The following TDRD6 variants were observed in gnomAD, a reference collection of about 807,000 sequenced individuals.
The protein encoded by TDRD6 is tudor domain-containing protein 6.
A neutral mutation model predicts 157.5 loss-of-function variants in TDRD6; 186 were observed. The observed-to-expected ratio is 1.18, with a 90% CI of 1.05 to 1.33. The LOEUF is 1.33. Ranked by LOEUF, TDRD6 falls within the 40% of genes most tolerant of loss-of-function variation. The pLI is 0.00. For synonymous variants in TDRD6, 1,075 were observed against 945.2 expected, an observed-to-expected ratio of 1.14 and a Z score of -2.52; for missense variants, 3,066 against 2,508.0, an observed-to-expected ratio of 1.22 and a Z score of -4.75.
intron 2 of TDRD6, among the ~76,000 whole-genome samples, chr6:46,696,577 G>GTATATATA (rs1203164399): frequency 1.1e-4 from 5 of 47,250 alleles, no homozygotes; most frequent in African/African-American, 3.5e-4. Context: ...GTGTGTGTGT[G>GTATATATA]TGTGTATATA....
At chr6:46,683,018 G>A (rs994283423), upstream of TDRD6, among the ~76,000 whole-genome samples, 3 of 151,784 alleles carry the variant, frequency 2.0e-5, no homozygotes, top group Non-Finnish European at 4.4e-5. Flanking sequence ...CAATTTTGAG[G>A]GAAAAGAACA....
chr6:46,692,069 T>G lies in TDRD6; in HGVS notation c.3941T>G (p.Ile1314Arg). The G allele has an allele frequency of 6.2e-7, 1 of 1,612,752 alleles. No individual in the cohort carries two copies. Among genetic ancestry groups the G allele is most frequent in the South Asian group, 1.1e-5 (1 of 90,866 alleles). The stretch of plus-strand genomic sequence containing the variant: ...AAAACAACTGTATATGTTTCTCATA[T>G]AAATGACCTTTCAGACTTTTATGTT... ...GFKTTVYVSH[I>R]NDLSDFYVQL... Residue 1314 changes from isoleucine (I) to arginine (R), a missense_variant, in exon 1 of 4, where the codon ATA (isoleucine) becomes AGA (arginine). Transcript: ENST00000316081.
chr6:46,692,673 T>C lies in TDRD6; in HGVS notation c.4545T>C (p.Asn1515=). The change falls in exon 1 of 4, where the codon AAT becomes AAC. Residue 1515 remains asparagine, a synonymous_variant. Transcript: ENST00000316081. ...CTTCAGTATTTCTTAACTGGTATAATCCAGAAAAAAAAATGATAAGAGCTT... is the reference window on the plus strand; with the variant it reads ...CTTCAGTATTTCTTAACTGGTATAACCCAGAAAAAAAAATGATAAGAGCTT... The part of the protein sequence containing the change: ...IDTSVFLNWY[N]PEKKMIRAYA... 6.2e-7 allele frequency: 1 copy of C among 1,613,094 alleles called. No individual in the cohort carries two copies. Among genetic ancestry groups the C allele is most frequent in the Non-Finnish European group, 8.5e-7 (1 of 1,179,750 alleles).
Position 46,691,332 on chromosome 6 carries a change from G to A in TDRD6, c.3204G>A (p.Gly1068=). 1 of 1,614,024 alleles carries A rather than the reference G, an allele frequency of 6.2e-7. No individual in the cohort carries two copies. The highest frequency in any genetic ancestry group is 1.1e-5 in the South Asian group (1 of 91,072). Residue 1068 remains glycine (G), a synonymous_variant, in exon 1 of 4, where the codon GGG becomes GGA. Coordinates refer to ENST00000316081, the MANE Select transcript of TDRD6 (RefSeq NM_001010870.3). ...EPKKVFFVDF[G]NIYVVTSDDL... The stretch of plus-strand genomic sequence containing the variant: ...AGAAAGTCTTCTTTGTTGATTTTGG[G>A]AATATTTATGTAGTAACAAGTGATG...
chr6:46,692,628 TA>T lies in TDRD6; in HGVS notation c.4502del (p.Asn1501ThrfsTer20), dbSNP rs745640679. 2.5e-6 allele frequency: 4 copies of T among 1,613,348 alleles called. No individual in the cohort carries two copies. In the South Asian group the frequency reaches 4.4e-5, roughly 18 times the overall value. On this transcript the variant is annotated frameshift_variant, in exon 1 of 4. Transcript: ENST00000316081. LOFTEE classifies it high-confidence loss of function. ...TTAAAAGTGCCAGTTCAAAGTCTGT[TA>T]ACAAATCAGACATTGACACTTCAGT... ...VIKSASSKSV[N>X]KSDIDTSVFL...
rs190343514 is a variant in TDRD6, at chr6:46,693,361, C to G, written c.5233C>G (p.Gln1745Glu). 10 of 1,609,574 alleles carry G rather than the reference C, an allele frequency of 6.2e-6. No individual in the cohort carries two copies. The highest frequency in any genetic ancestry group is 8.5e-6 in the Non-Finnish European group (10 of 1,178,954). ...TGTACAAAATAAAATATATATGGAACAACAGACAGATGAGCTTGCTGAAAT... is the reference window on the plus strand; with the variant it reads ...TGTACAAAATAAAATATATATGGAAGAACAGACAGATGAGCTTGCTGAAAT... Reference protein sequence around the residue: ...KAVQNKIYMEQQTDELAEITE... With the variant: ...KAVQNKIYMEEQTDELAEITE... The change falls in exon 1 of 4, where the codon CAA becomes GAA. Residue 1745 changes from glutamine to glutamate, a missense_variant. Physicochemically the swap from Gln to Glu is conservative, Grantham distance 29. Coordinates refer to ENST00000316081, the MANE Select transcript of TDRD6 (RefSeq NM_001010870.3).
upstream of TDRD6, among the ~76,000 whole-genome samples, chr6:46,684,857 T>C (rs920442465): frequency 6.6e-6 from 1 of 152,130 alleles, no homozygotes; most frequent in African/African-American, 2.4e-5. Flanking sequence ...TTTTCAGTCA[T>C]ATGGCAAGTA....
In TDRD6 at chr6:46,688,454, C is replaced by T. The variant is rs145739303; in HGVS notation, c.326C>T (p.Ala109Val). The part of the protein sequence containing the change: ...LDEGRTITAG[A>V]GSLAPGRREF... Reference sequence around the variant, plus strand: ...GAGGGCCGCACCATCACGGCCGGAGCAGGCTCGCTGGCGCCTGGGCGCAGA... The same window carrying T: ...GAGGGCCGCACCATCACGGCCGGAGTAGGCTCGCTGGCGCCTGGGCGCAGA... Residue 109 changes from alanine to valine, a missense_variant, in exon 1 of 4, where the codon GCA becomes GTA. Coordinates refer to ENST00000316081, the MANE Select transcript of TDRD6 (RefSeq NM_001010870.3). The T allele has an allele frequency of 1.3e-4, 208 of 1,543,298 alleles. No individual in the cohort carries two copies. The Admixed American group carries it at 2.2e-3, about 16-fold the overall frequency.
At position 46,702,042 on chromosome 6, in the gene TDRD6, G is replaced by A. The variant is rs1764639688; in HGVS notation, c.*155G>A. On this transcript the variant is annotated 3_prime_UTR_variant, in exon 4 of 4. Coordinates refer to ENST00000316081, the MANE Select transcript of TDRD6 (RefSeq NM_001010870.3). ...TCTATATAGGTGGAAAACAAATTAGGTCTCAGGTTGATGGTGGGGTGTGTT... is the reference window on the plus strand; with the variant it reads ...TCTATATAGGTGGAAAACAAATTAGATCTCAGGTTGATGGTGGGGTGTGTT... 5.6e-6 allele frequency: 4 copies of A among 719,050 alleles called. No homozygotes were observed. Among genetic ancestry groups the A allele is most frequent in the South Asian group, 4.0e-5 (2 of 49,786 alleles). 44.5% of individuals were successfully genotyped at this position (719,050 alleles called of 1,614,324 possible).
intron 2 of TDRD6, among the ~76,000 whole-genome samples, chr6:46,696,502 AAT>A (rs1460028971): frequency 1.5e-5 from 2 of 132,646 alleles, no homozygotes; most frequent in East Asian, 2.2e-4. Flanking sequence ...ATGTATATGT[AAT>A]ATATATGTAT....
Position 46,691,948 on chromosome 6 carries a change from G to C in TDRD6, c.3820G>C (p.Ala1274Pro), listed in dbSNP as rs1258811238. ...ETPLKTARVE[A>P]TLSERKIGDS... The stretch of plus-strand genomic sequence containing the variant: ...ACCCTTGAAAACAGCAAGAGTAGAA[G>C]CTACTCTTTCAGAGAGAAAAATAGG... The change falls in exon 1 of 4, where the codon GCT becomes CCT. Residue 1274 changes from alanine (A) to proline (P), a missense_variant. Ala to Pro is a conservative substitution (Grantham distance 27). Coordinates refer to ENST00000316081, the MANE Select transcript of TDRD6 (RefSeq NM_001010870.3). 6.2e-7 allele frequency: 1 copy of C among 1,612,080 alleles called. No individual in the cohort carries two copies. Among genetic ancestry groups the C allele is most frequent in the Admixed American group, 1.7e-5 (1 of 59,514 alleles).
rs193193885 is a variant in TDRD6 at position 46,696,811 on chromosome 6, C to T, written c.6171+866C>T. 1.9e-3 allele frequency among the ~76,000 whole-genome samples: 284 copies of T among 150,900 alleles called. 1 individual carries two copies. The highest frequency in any genetic ancestry group is 6.3e-3 in the African/African-American group (257 of 41,018). On this transcript the variant is annotated intron_variant, in intron 2 of 3. Coordinates refer to ENST00000316081, the MANE Select transcript of TDRD6 (RefSeq NM_001010870.3). ...TATTTTTAGTAGAGACGGGGTTTCA[C>T]CTTGTTAGCGAGGATGGTCTCGATC...
At position 46,690,124 on chromosome 6, in the gene TDRD6, G is replaced by A. The variant is rs1242896469; in HGVS notation, c.1996G>A (p.Ala666Thr). The part of the protein sequence containing the change: ...ISKVIAQAGY[A>T]KYQEFETKEN... ...TAAGGTAATTGCCCAAGCTGGATAT[G>A]CCAAGTATCAGGAATTTGAAACAAA... Residue 666 changes from alanine (A) to threonine (T), a missense_variant, in exon 1 of 4, where the codon GCC (alanine) becomes ACC (threonine). Ala to Thr is a moderately conservative substitution (Grantham distance 58, BLOSUM62 0). Coordinates refer to ENST00000316081, the MANE Select transcript of TDRD6 (RefSeq NM_001010870.3). 1 of 1,613,478 alleles carries A rather than the reference G, an allele frequency of 6.2e-7. No individual in the cohort carries two copies. The highest frequency in any genetic ancestry group is 8.5e-7 in the Non-Finnish European group (1 of 1,179,858).
chr6:46,690,418 A>G lies in TDRD6; in HGVS notation c.2290A>G (p.Ser764Gly), dbSNP rs1327304456. The G allele has an allele frequency of 1.2e-6, 2 of 1,614,056 alleles. No individual in the cohort carries two copies. Among genetic ancestry groups the G allele is most frequent in the South Asian group, 2.2e-5 (2 of 91,084 alleles). The change falls in exon 1 of 4, where the codon AGT becomes GGT. Residue 764 changes from serine (S) to glycine (G), a missense_variant. By Grantham distance (56) the Ser-to-Gly change is moderately conservative. Transcript: ENST00000316081. ...NCLEIKPGSS[S>G]KGELEVGSTV... is the part of the protein sequence containing the mutation. ...CTTGGAAATTAAGCCAGGCTCCTCT[A>G]GTAAAGGAGAGCTGGAAGTTGGAAG...
upstream of TDRD6, among the ~76,000 whole-genome samples, chr6:46,685,352 A>C (rs760403285): frequency 6.6e-6 from 1 of 152,232 alleles, no homozygotes; most frequent in Non-Finnish European, 1.5e-5. Context: ...TATAGAAACT[A>C]TAGACTGTAA....
rs1397598568 is a variant in TDRD6 at position 46,688,914 on chromosome 6, C to T, written c.786C>T (p.Pro262=). The T allele has an allele frequency of 2.5e-6, 4 of 1,608,054 alleles. No individual in the cohort carries two copies. Among genetic ancestry groups the T allele is most frequent in the Non-Finnish European group, 3.4e-6 (4 of 1,176,264 alleles). The change falls in exon 1 of 4, where the codon CCC becomes CCT. Residue 262 remains proline, a synonymous_variant. Coordinates refer to ENST00000316081, the MANE Select transcript of TDRD6 (RefSeq NM_001010870.3). ...EAVVITQVCH[P]HRIHCQLRSV... is the part of the protein sequence containing the mutation. ...TGGTCATAACCCAAGTGTGCCATCCCCACCGCATTCACTGCCAGCTCCGCA... is the reference window on the plus strand; with the variant it reads ...TGGTCATAACCCAAGTGTGCCATCCTCACCGCATTCACTGCCAGCTCCGCA...
rs1474996171 is a variant in TDRD6, at chr6:46,689,435, G to A, written c.1307G>A (p.Gly436Glu). ...EDGINLNRVFGVQSCCLADRV... is the reference protein window; with the variant it reads ...EDGINLNRVFEVQSCCLADRV... ...GGGATTAATCTGAACCGTGTGTTTG[G>A]AGTACAGTCGTGTTGCTTGGCTGAC... The change falls in exon 1 of 4, where the codon GGA (glycine) becomes GAA (glutamate). Residue 436 changes from glycine (G) to glutamate (E), a missense_variant. By Grantham distance (98) the Gly-to-Glu change is moderately conservative (BLOSUM62 -2). Transcript: ENST00000316081. The A allele has an allele frequency of 2.5e-6, 4 of 1,613,238 alleles. No individual in the cohort carries two copies. The highest frequency in any genetic ancestry group is 3.4e-6 in the Non-Finnish European group (4 of 1,180,032).
chr6:46,693,572 G>T lies in TDRD6; in HGVS notation c.5444G>T (p.Gly1815Val). ...TTTGATGATAAATACCTGATTACAG[G>T]ATTTAACACATTACTACCACATGCT... The part of the protein sequence containing the change: ...AEFDDKYLIT[G>V]FNTLLPHANE... The change falls in exon 1 of 4, where the codon GGA becomes GTA. Residue 1815 changes from glycine (G) to valine (V), a missense_variant. Coordinates refer to ENST00000316081, the MANE Select transcript of TDRD6 (RefSeq NM_001010870.3). 6.2e-7 allele frequency: 1 copy of T among 1,614,128 alleles called. No homozygotes were observed. The highest frequency in any genetic ancestry group is 1.1e-5 in the South Asian group (1 of 91,080).
Position 46,690,388 on chromosome 6 carries a change from A to C in TDRD6, c.2260A>C (p.Asn754His). The change falls in exon 1 of 4, where the codon AAT becomes CAT. Residue 754 changes from asparagine (N) to histidine (H), a missense_variant. By Grantham distance (68) the Asn-to-His change is moderately conservative. Coordinates refer to ENST00000316081, the MANE Select transcript of TDRD6 (RefSeq NM_001010870.3). ...ATCTGTTTATTTTCCTCTTATGCAG[A>C]ATTGCTTGGAAATTAAGCCAGGCTC... Reference protein sequence around the residue: ...RASVYFPLMQNCLEIKPGSSS... With the variant: ...RASVYFPLMQHCLEIKPGSSS... The C allele has an allele frequency of 1.2e-6, 2 of 1,613,916 alleles. No homozygotes were observed. The highest frequency in any genetic ancestry group is 1.7e-6 in the Non-Finnish European group (2 of 1,180,036).
Sources: allele counts gnomAD v4.1 joint callset (sites outside exome capture counted in the v4.1 genomes callset), GRCh38; gene constraint gnomAD v4.1.1; transcripts MANE v1.5; gene names NCBI Gene and HGNC (gene_info 2026-07-23, HGNC 2026-07-21).